DSCAM: variants seen among roughly 807,000 people sequenced by gnomAD.
The protein encoded by DSCAM is DS cell adhesion molecule.
Under a neutral mutation model 217.7 loss-of-function variants are expected in DSCAM, and 47 were observed. That is an observed-to-expected ratio of 0.22 (90% CI 0.17 to 0.28). The LOEUF is 0.28. Ranked by LOEUF, DSCAM falls within the 10% of genes least tolerant of loss-of-function variation. DSCAM has a pLI of 1.00. For synonymous variants in DSCAM, 1,056 were observed against 1,015.3 expected, an observed-to-expected ratio of 1.04 and a Z score of -0.76; for missense variants, 2,080 against 2,618.3, an observed-to-expected ratio of 0.79 and a Z score of 4.49.
chr21:40,639,459 CTCA>C (rs1302657598), intron 3 of DSCAM, among the ~76,000 whole-genome samples: 3 of 152,184 alleles, frequency 2.0e-5, no homozygotes, highest in African/African-American at 7.2e-5. Context: ...ATTTTGTGCG[CTCA>C]TGTTTGTAGA....
intron 3 of DSCAM, among the ~76,000 whole-genome samples, chr21:40,654,691 T>C (rs2090053786): frequency 6.6e-6 from 1 of 152,172 alleles, no homozygotes; most frequent in South Asian, 2.1e-4. Context: ...CAGCAGTGCC[T>C]GGCGGAGTTT....
intron 18 of DSCAM, among the ~76,000 whole-genome samples, chr21:40,142,118 G>A (rs763512736): frequency 1.1e-4 from 17 of 152,172 alleles, no homozygotes; most frequent in Non-Finnish European, 1.8e-4. Context: ...CCCCCTCCAT[G>A]TGCCTGGGCA....
At chr21:40,210,515 A>T (rs1382772787) in intron 11 of DSCAM, among the ~76,000 whole-genome samples, 1 of 152,170 alleles carries the variant, frequency 6.6e-6, no homozygotes, top group South Asian at 2.1e-4. Context: ...AGTTAACATT[A>T]TCCAGTAGAC....
intron 3 of DSCAM, among the ~76,000 whole-genome samples, chr21:40,653,686 C>A (rs1199410142): frequency 6.6e-6 from 1 of 152,102 alleles, no homozygotes; most frequent in South Asian, 2.1e-4. Flanking sequence ...CTGTGATCAT[C>A]GTGAATTAAA....
chr21:40,325,480 G>T (rs1452466055), intron 8 of DSCAM, among the ~76,000 whole-genome samples: 3 of 152,084 alleles, frequency 2.0e-5, no homozygotes, highest in Admixed American at 1.3e-4. Flanking sequence ...CTTAAACAAG[G>T]TCCAAATGAA....
intron 11 of DSCAM, among the ~76,000 whole-genome samples, chr21:40,221,904 A>C (rs535170883): frequency 6.6e-6 from 1 of 152,362 alleles, no homozygotes; most frequent in Non-Finnish European, 1.5e-5. Flanking sequence ...AAACATACAA[A>C]GCACCTGTGT....
chr21:40,310,558 A>AT (rs2074126349), intron 9 of DSCAM, among the ~76,000 whole-genome samples: 1 of 152,242 alleles, frequency 6.6e-6, no homozygotes, highest in Non-Finnish European at 1.5e-5. Context: ...AGCTAGGCTC[A>AT]TTTTCAGCTC....
chr21:40,226,559 G>A (rs1300887154), intron 11 of DSCAM, among the ~76,000 whole-genome samples: 2 of 152,128 alleles, frequency 1.3e-5, no homozygotes, highest in East Asian at 3.9e-4. Context: ...AGGCCTGGTG[G>A]CAACAAAATG....
At chr21:40,469,521 G>A (rs187462307) in intron 3 of DSCAM, among the ~76,000 whole-genome samples, 1 of 152,294 alleles carries the variant, frequency 6.6e-6, no homozygotes, top group East Asian at 1.9e-4. Flanking sequence ...GTGCTTTGAA[G>A]TGTGGAAATG....
chr21:40,263,991 C>T (rs369969921), intron 11 of DSCAM, among the ~76,000 whole-genome samples: 14 of 151,834 alleles, frequency 9.2e-5, no homozygotes, highest in South Asian at 4.2e-4. Flanking sequence ...AACCCCATAG[C>T]TTAAATCAGG....
intron 6 of DSCAM, among the ~76,000 whole-genome samples, chr21:40,343,623 A>G (rs776934950): frequency 6.6e-6 from 1 of 152,128 alleles, no homozygotes; most frequent in Non-Finnish European, 1.5e-5. Context: ...CTTGCATTAT[A>G]AGATAAGCTC....
chr21:40,842,818 C>T (rs1393884421), intron 1 of DSCAM, among the ~76,000 whole-genome samples: 2 of 152,040 alleles, frequency 1.3e-5, no homozygotes, highest in Non-Finnish European at 2.9e-5. Context: ...GGCAGCAAAC[C>T]GTGGTCACAC....
rs111764596 is a variant in DSCAM at position 40,350,606 on chromosome 21, T to G, written c.935-2661A>C. ...TGGCTGTAATAACCAACCAGAGTGA[T>G]GGAGGGGCCATTAGAGACATAGCAC... On this transcript the variant is annotated intron_variant, in intron 5 of 32. Coordinates refer to ENST00000400454, the MANE Select transcript of DSCAM (RefSeq NM_001389.5). Among the ~76,000 whole-genome samples, 821 of 152,128 alleles carry G rather than the reference T, an allele frequency of 5.4e-3. 7 individuals carry two copies. The highest frequency in any genetic ancestry group is 0.027 in the Middle Eastern group (8 of 294).
Position 40,637,571 on chromosome 21 carries a change from A to G in DSCAM, c.508+55239T>C, listed in dbSNP as rs1416191105. The stretch of plus-strand genomic sequence containing the variant: ...TATATAAATATATACATATATAAAT[A>G]TATATAAATATATACATATATAAAT... On this transcript the variant is annotated intron_variant, in intron 3 of 32. Transcript: ENST00000400454. Among the ~76,000 whole-genome samples, 4 of 71,056 alleles carry G rather than the reference A, an allele frequency of 5.6e-5. No homozygotes were observed. The East Asian group carries it at 1.7e-3, about 30-fold the overall frequency. The allele number at this position is 71,056 out of a possible 152,430, so 46.6% of individuals were successfully genotyped here. A position where few individuals can be genotyped will look rare whatever the true frequency, so the allele number is the denominator to read the frequency against.
At chr21:40,274,797 A>G (rs930629941) in intron 11 of DSCAM, among the ~76,000 whole-genome samples, 2 of 152,214 alleles carry the variant, frequency 1.3e-5, no homozygotes, top group African/African-American at 2.4e-5. Context: ...CACAATATAA[A>G]ACTTTAATAA....
At chr21:40,400,113 G>A (rs73359124) in intron 3 of DSCAM, among the ~76,000 whole-genome samples, 10,471 of 152,154 alleles carry the variant, frequency 0.069, 694 homozygotes, top group Admixed American at 0.17. Context: ...CCTTCCTCCC[G>A]TGCAGCAGGT....
intron 3 of DSCAM, among the ~76,000 whole-genome samples, chr21:40,672,250 C>T (rs1312404873): frequency 6.6e-6 from 1 of 151,532 alleles, no homozygotes; most frequent in Non-Finnish European, 1.5e-5. Flanking sequence ...AACATCAGTC[C>T]GTAGAAGGTG....
intron 11 of DSCAM, among the ~76,000 whole-genome samples, chr21:40,220,106 C>T (rs1045892468): frequency 6.6e-6 from 1 of 152,130 alleles, no homozygotes; most frequent in Non-Finnish European, 1.5e-5. Context: ...GTTATGGGAG[C>T]CTTAGCAATA....
At chr21:40,472,557 T>G (rs954921444) in intron 3 of DSCAM, among the ~76,000 whole-genome samples, 16 of 152,322 alleles carry the variant, frequency 1.1e-4, no homozygotes, top group African/African-American at 3.8e-4. Context: ...AAAACTTCAT[T>G]TTGAAATAAT....
Sources: allele counts gnomAD v4.1 joint callset (sites outside exome capture counted in the v4.1 genomes callset), GRCh38; gene constraint gnomAD v4.1.1; transcripts MANE v1.5; gene names NCBI Gene and HGNC (gene_info 2026-07-23, HGNC 2026-07-21).